The following TMSB15B variants were observed in gnomAD, a reference collection of about 807,000 sequenced individuals.
The protein encoded by TMSB15B is thymosin beta-15B.
At chrX:103,946,602 G>A (rs2075026293) in intron 1 of TMSB15B, among the ~76,000 whole-genome samples, 1 of 111,773 alleles carries the variant, frequency 8.9e-6, no homozygotes, top group African/African-American at 3.3e-5. Context: ...ACTGGAAAAG[G>A]CACATATAGT....
At chrX:103,937,773 T>C (rs2075002250) in intron 1 of TMSB15B, among the ~76,000 whole-genome samples, 1 of 111,864 alleles carries the variant, frequency 8.9e-6, no homozygotes, top group Admixed American at 9.5e-5. Context: ...GGTGTCGATT[T>C]TAGATCTTTC....
At chrX:103,952,617 C>G (rs1212381741) in intron 1 of TMSB15B, among the ~76,000 whole-genome samples, 1 of 111,357 alleles carries the variant, frequency 9.0e-6, no homozygotes, top group Non-Finnish European at 1.9e-5. Context: ...AAAGAGGGGA[C>G]GTGGACACAA....
chrX:103,945,321 G>A (rs1283699022), intron 1 of TMSB15B, among the ~76,000 whole-genome samples: 2 of 111,991 alleles, frequency 1.8e-5, no homozygotes, highest in Non-Finnish European at 3.8e-5. Context: ...GTTTAAGATT[G>A]GGCAGCTGCA....
In TMSB15B at chrX:103,942,648, C is replaced by T. The variant is rs184314251; in HGVS notation, c.-720-19373C>T. Among the ~76,000 whole-genome samples, 572 of 112,077 alleles carry T rather than the reference C, an allele frequency of 5.1e-3. 1 individual carries two copies. The highest frequency in any genetic ancestry group is 0.014 in the Middle Eastern group (3 of 211). ...CTGAAATTTTCTTTTCACAAAATTA[C>T]TGTTGAGATTTTAATTTCAGCAAAA... is the stretch of plus-strand genomic sequence containing the variant. On this transcript the variant is annotated intron_variant, in intron 1 of 3. Coordinates refer to the TMSB15B transcript ENST00000419165.
At chrX:103,919,784 G>C (rs1252171797) in intron 1 of TMSB15B, among the ~76,000 whole-genome samples, 1 of 112,506 alleles carries the variant, frequency 8.9e-6, no homozygotes, top group Non-Finnish European at 1.9e-5. Context: ...CAAAGACAGA[G>C]AGGTTAAGCG....
chrX:103,935,744 C>T (rs782496741), intron 1 of TMSB15B, among the ~76,000 whole-genome samples: 12 of 109,504 alleles, frequency 1.1e-4, no homozygotes, highest in East Asian at 5.7e-4. Flanking sequence ...ACTGTGGCCT[C>T]GTAGTATATT....
At chrX:103,920,412 G>T (rs1485798014) in intron 1 of TMSB15B, among the ~76,000 whole-genome samples, 2 of 112,052 alleles carry the variant, frequency 1.8e-5, no homozygotes, top group Non-Finnish European at 3.8e-5. Context: ...TGATTCTGAG[G>T]TGTAGAGAGA....
intron 1 of TMSB15B, among the ~76,000 whole-genome samples, chrX:103,938,341 C>T (rs1392420837): frequency 1.8e-5 from 2 of 111,625 alleles, no homozygotes; most frequent in Non-Finnish European, 3.8e-5. Context: ...ACCGGGTGCT[C>T]CTGTATTCGT....
intron 1 of TMSB15B, among the ~76,000 whole-genome samples, chrX:103,935,843 GTTTT>G (rs1165751386): frequency 1.2e-5 from 1 of 80,178 alleles, no homozygotes. Context: ...CATAGGAGTT[GTTTT>G]TTTTTTTTTT....
chrX:103,930,764 AAT>A (rs2074982945), intron 1 of TMSB15B, among the ~76,000 whole-genome samples: 32 of 102,609 alleles, frequency 3.1e-4, no homozygotes, highest in African/African-American at 4.2e-4. Flanking sequence ...TAATAATAAT[AAT>A]AAATTACTTT....
At chrX:103,922,969 AT>A (rs781986861) in intron 1 of TMSB15B, among the ~76,000 whole-genome samples, 1 of 112,186 alleles carries the variant, frequency 8.9e-6, no homozygotes, top group Non-Finnish European at 1.9e-5. Context: ...GATGATGAGC[AT>A]TTTTTCATGT....
At chrX:103,922,883 G>T (rs1313765007) in intron 1 of TMSB15B, among the ~76,000 whole-genome samples, 2 of 111,995 alleles carry the variant, frequency 1.8e-5, no homozygotes, top group African/African-American at 3.3e-5. Context: ...TTCCTGACTT[G>T]TTAATGATCA....
At chrX:103,933,684 C>T (rs1358623897) in intron 1 of TMSB15B, among the ~76,000 whole-genome samples, 2 of 111,885 alleles carry the variant, frequency 1.8e-5, no homozygotes, top group African/African-American at 6.5e-5. Context: ...TTTCACTCCA[C>T]ATTGCTTGTG....
At chrX:103,938,754 G>T (rs1459225470) in intron 1 of TMSB15B, among the ~76,000 whole-genome samples, 1 of 111,930 alleles carries the variant, frequency 8.9e-6, no homozygotes, top group Non-Finnish European at 1.9e-5. Context: ...AGTGTCGATG[G>T]TCTTTACATT....
At chrX:103,951,595 C>A (rs1396246853) in intron 1 of TMSB15B, among the ~76,000 whole-genome samples, 3 of 111,511 alleles carry the variant, frequency 2.7e-5, no homozygotes, top group Admixed American at 9.5e-5. Flanking sequence ...TGTGAATTTT[C>A]CCCTAGCCAG....
At chrX:103,934,200 C>A (rs2147819770) in intron 1 of TMSB15B, among the ~76,000 whole-genome samples, 1 of 111,403 alleles carries the variant, frequency 9.0e-6, no homozygotes, top group East Asian at 2.8e-4. Flanking sequence ...ACCTTGAGAT[C>A]AACTTTTTTA....
At chrX:103,926,155 G>A (rs1463876483) in intron 1 of TMSB15B, among the ~76,000 whole-genome samples, 19 of 110,440 alleles carry the variant, frequency 1.7e-4, no homozygotes, top group Non-Finnish European at 3.2e-4. Flanking sequence ...GGCCATGAGC[G>A]TTAAGGAAGC....
chrX:103,934,503 C>T (rs1313862805), intron 1 of TMSB15B, among the ~76,000 whole-genome samples: 1 of 110,283 alleles, frequency 9.1e-6, no homozygotes, highest in South Asian at 4.0e-4. Context: ...CCCCCGCTCC[C>T]AGACAGGCCC....
rs1293978709 is a variant in TMSB15B at position 103,928,042 on chromosome X, T to C, written c.-721+8750T>C. On this transcript the variant is annotated intron_variant, in intron 1 of 3. Transcript: ENST00000419165. ...CAACGGAATTAATTGGTCGCTCTAA[T>C]CTCTTTTTTTCCACCCTTGCCAGTT... 8.3e-6 allele frequency: 6 copies of C among 726,730 alleles called. No homozygotes were observed. In the African/African-American group the frequency reaches 1.3e-4, roughly 16 times the overall value. 59.9% of individuals were successfully genotyped at this position (726,730 alleles called of 1,213,427 possible).
Sources: gnomAD v4.1 joint callset for allele counts (sites outside exome capture counted in the v4.1 genomes callset) on GRCh38, gnomAD v4.1.1 for gene constraint, MANE v1.5 for transcripts, NCBI Gene and HGNC (gene_info 2026-07-23, HGNC 2026-07-21) for gene names.